The following MYH15 variants were observed in gnomAD, a reference collection of about 807,000 sequenced individuals.
MYH15 encodes the protein myosin heavy chain 15.
A neutral mutation model predicts 240.5 loss-of-function variants in MYH15; 227 were observed. The observed-to-expected ratio is 0.94, with a 90% CI of 0.85 to 1.05. MYH15 has a LOEUF of 1.05. MYH15 is among the 50% of genes least tolerant of loss of function. The pLI, the probability that MYH15 is intolerant of heterozygous loss-of-function variation, is 0.00. For missense variants in MYH15, 2,217 were observed against 2,247.5 expected, an observed-to-expected ratio of 0.99 and a Z score of 0.27; for synonymous variants, 785 against 796.7, an observed-to-expected ratio of 0.99 and a Z score of 0.25.
At chr3:108,433,065 C>T (rs1442996609) in intron 25 of MYH15, among the ~76,000 whole-genome samples, 4 of 152,198 alleles carry the variant, frequency 2.6e-5, no homozygotes, top group Admixed American at 2.6e-4. Flanking sequence ...ACATTCAACA[C>T]CAGCCCATGA....
intron 22 of MYH15, among the ~76,000 whole-genome samples, chr3:108,443,872 T>C (rs991282732): frequency 2.0e-5 from 3 of 151,344 alleles, no homozygotes; most frequent in African/African-American, 7.3e-5. Context: ...TATTTTTTTT[T>C]TTTTAATGTT....
chr3:108,493,250 G>T, intron 7 of MYH15, 73 bp from the exon 8 acceptor site: 3 of 1,115,018 alleles, frequency 2.7e-6, no homozygotes, highest in Non-Finnish European at 4.1e-6. Context: ...ACTTGCAATG[G>T]CTTCATTATA....
chr3:108,382,258 C>T (rs1442912872), intron 40 of MYH15, among the ~76,000 whole-genome samples: 2 of 152,170 alleles, frequency 1.3e-5, no homozygotes, highest in Non-Finnish European at 2.9e-5. Context: ...TTAATTGCCC[C>T]TCTCGCATAG....
intron 37 of MYH15, 29 bp from the exon 38 acceptor site, chr3:108,389,103 A>G (rs771934509): frequency 1.9e-6 from 3 of 1,591,218 alleles, no homozygotes; most frequent in Non-Finnish European, 2.6e-6. Context: ...CTCAGACCAG[A>G]CGCTGCCACC....
At chr3:108,548,288 A>G in the MYH15 span, among the ~76,000 whole-genome samples, 5 of 152,182 alleles carry the variant, frequency 3.3e-5, no homozygotes, top group Admixed American at 6.6e-5. Context: ...AACTGATAGA[A>G]AAAGATATAT....
chr3:108,421,010 G>A, intron 28 of MYH15, 78 bp downstream of exon 28: 2 of 1,588,738 alleles, frequency 1.3e-6, no homozygotes, highest in Non-Finnish European at 1.7e-6. Flanking sequence ...TCAGTGGGTA[G>A]TTCATTATCT....
intron 5 of MYH15, among the ~76,000 whole-genome samples, chr3:108,498,986 G>A (rs1021872370): frequency 5.3e-5 from 8 of 152,050 alleles, no homozygotes; most frequent in African/African-American, 1.2e-4. Flanking sequence ...TCCTTTTTAC[G>A]CCCTTTCTTA....
At chr3:108,480,819 G>T (rs925339662) in intron 11 of MYH15, among the ~76,000 whole-genome samples, 2 of 152,274 alleles carry the variant, frequency 1.3e-5, no homozygotes, top group Non-Finnish European at 2.9e-5. Flanking sequence ...CTGAGAGTTG[G>T]AAATATGGAG....
At chr3:108,486,147 A>T (rs753246869) in intron 10 of MYH15, among the ~76,000 whole-genome samples, 1 of 152,248 alleles carries the variant, frequency 6.6e-6, no homozygotes. Flanking sequence ...CTGCAAATAG[A>T]TAAAAACAGA....
rs368538771 is a variant in MYH15 at position 108,410,826 on chromosome 3, C to T, written c.4252G>A (p.Gly1418Arg). 93 of 1,614,024 alleles carry T rather than the reference C, an allele frequency of 5.8e-5. No homozygotes were observed. The highest frequency in any genetic ancestry group is 6.9e-5 in the Non-Finnish European group (82 of 1,179,874). ...TTCCCGAGGTCAGACAGGGCGTCCCCGAGCTCCAGCTGCAGCTGGTGCCTG... is the reference window on the plus strand; with the variant it reads ...TTCCCGAGGTCAGACAGGGCGTCCCTGAGCTCCAGCTGCAGCTGGTGCCTG... Reference protein sequence around the residue: ...RARHQLQLELGDALSDLGKVR... With the variant: ...RARHQLQLELRDALSDLGKVR... The change falls in exon 31 of 41, where the codon GGG becomes AGG. Residue 1418 changes from glycine (G) to arginine (R), a missense_variant. Physicochemically the swap from Gly to Arg is moderately radical, Grantham distance 125. Transcript: ENST00000693548.
Position 108,414,309 on chromosome 3 carries a change from G to A in MYH15, c.4068C>T (p.Val1356=). The A allele has an allele frequency of 6.2e-7, 1 of 1,614,092 alleles. No individual in the cohort carries two copies. The highest frequency in any genetic ancestry group is 8.5e-7 in the Non-Finnish European group (1 of 1,180,022). ...TTCTCCATTGCACCATTTCAGCATT[G>A]ACTTTGGATAAGGTCCGGTGCAGCT... The part of the protein sequence containing the change: ...KAELHRTLSK[V]NAEMVQWRMK... The change falls in exon 30 of 41, where the codon GTC becomes GTT. Residue 1356 remains valine, a synonymous_variant. Transcript: ENST00000693548.
At chr3:108,389,780 T>C (rs1229298757) in intron 37 of MYH15, among the ~76,000 whole-genome samples, 6 of 152,188 alleles carry the variant, frequency 3.9e-5, no homozygotes, top group Non-Finnish European at 7.4e-5. Flanking sequence ...AGGGAGTTGA[T>C]GTTGGCTGCT....
intron 25 of MYH15, among the ~76,000 whole-genome samples, chr3:108,433,851 C>T (rs2082802493): frequency 6.6e-6 from 1 of 152,140 alleles, no homozygotes; most frequent in Non-Finnish European, 1.5e-5. Context: ...TTATCAGCAA[C>T]ATGAAAACAA....
intron 12 of MYH15, among the ~76,000 whole-genome samples, chr3:108,472,856 T>C (rs1265522783): frequency 6.6e-6 from 1 of 152,214 alleles, no homozygotes; most frequent in East Asian, 1.9e-4. Flanking sequence ...GGAAATGAGG[T>C]GGCTAAATCT....
At chr3:108,406,198 T>A (rs1007821424) in intron 32 of MYH15, among the ~76,000 whole-genome samples, 7 of 142,230 alleles carry the variant, frequency 4.9e-5, no homozygotes, top group African/African-American at 1.7e-4. Context: ...AAAGAAGAAA[T>A]CCAAAAAACA....
intron 7 of MYH15, among the ~76,000 whole-genome samples, chr3:108,494,222 G>T (rs1180555029): frequency 1.3e-5 from 2 of 152,110 alleles, no homozygotes; most frequent in African/African-American, 2.4e-5. Context: ...AGGACAGTGG[G>T]AGTCACACAC....
chr3:108,421,280 G>A, intron 27 of MYH15, 66 bp from the exon 28 acceptor site: 2 of 1,568,810 alleles, frequency 1.3e-6, no homozygotes, highest in Non-Finnish European at 1.7e-6. Flanking sequence ...CTGCACAAAG[G>A]AAGAGGGGAG....
intron 14 of MYH15, among the ~76,000 whole-genome samples, chr3:108,468,861 C>T (rs2083145284): frequency 6.6e-6 from 1 of 152,130 alleles, no homozygotes; most frequent in Admixed American, 6.6e-5. Context: ...TGACAATCGC[C>T]AGAAGATAAA....
chr3:108,470,449 C>A (rs2107586956), intron 13 of MYH15, among the ~76,000 whole-genome samples: 1 of 152,110 alleles, frequency 6.6e-6, no homozygotes, highest in East Asian at 1.9e-4. Context: ...AATTTAAAAT[C>A]ATAATTAATT....
Sources: gnomAD v4.1 joint callset for allele counts (sites outside exome capture counted in the v4.1 genomes callset) on GRCh38, gnomAD v4.1.1 for gene constraint, MANE v1.5 for transcripts, NCBI Gene and HGNC (gene_info 2026-07-23, HGNC 2026-07-21) for gene names.